FBXL13: variants seen among roughly 807,000 people sequenced by gnomAD.
The protein encoded by FBXL13 is F-box and leucine rich repeat protein 13.
In FBXL13, 67 loss-of-function variants were observed where a neutral mutation model predicts 83.6. The ratio of observed to expected loss-of-function variants is 0.80; its 90% confidence interval spans 0.66 to 0.98. The LOEUF (loss-of-function observed/expected upper bound fraction) is 0.98, where lower values mean the gene tolerates loss of function less well. FBXL13 is among the 50% of genes least tolerant of loss of function. The pLI is 0.00. For synonymous variants in FBXL13, 272 were observed against 299.5 expected (o/e 0.91, Z 0.95); for missense variants, 822 against 866.5 (o/e 0.95, Z 0.64).
intron 8 of FBXL13, chr7:102,933,815 G>C (rs1819688562): frequency 3.1e-6 from 4 of 1,303,862 alleles, no homozygotes; most frequent in South Asian, 1.5e-5. Flanking sequence ...CATTGTTCCA[G>C]AACTGCATTA....
intron 8 of FBXL13, among the ~76,000 whole-genome samples, chr7:102,950,658 G>A (rs1440354599): frequency 6.6e-6 from 1 of 152,000 alleles, no homozygotes; most frequent in Non-Finnish European, 1.5e-5. Context: ...TTCAGACAAT[G>A]GAATATTATT....
intron 17 of FBXL13, among the ~76,000 whole-genome samples, chr7:102,833,587 C>T (rs1442015489): frequency 3.3e-5 from 5 of 150,694 alleles, no homozygotes; most frequent in African/African-American, 7.3e-5. Flanking sequence ...CCACCACGCC[C>T]GGCTAATTCT....
chr7:103,060,351 G>A (rs891909867), intron 1 of FBXL13, among the ~76,000 whole-genome samples: 3 of 151,822 alleles, frequency 2.0e-5, no homozygotes, highest in African/African-American at 7.3e-5. Flanking sequence ...CACTGTGCCT[G>A]GTCCATCACT....
chr7:102,954,139 A>G (rs1314422548), intron 8 of FBXL13, among the ~76,000 whole-genome samples: 1 of 152,206 alleles, frequency 6.6e-6, no homozygotes, highest in Admixed American at 6.6e-5. Context: ...CGCCTCACCC[A>G]GGAAGCACAA....
At chr7:102,871,875 C>T (rs1157231156) in intron 16 of FBXL13, among the ~76,000 whole-genome samples, 1 of 152,112 alleles carries the variant, frequency 6.6e-6, no homozygotes, top group Non-Finnish European at 1.5e-5. Context: ...TTCAAGAACT[C>T]CTCATCTCTT....
At chr7:103,054,388 T>TG (rs764714937) in intron 2 of FBXL13, among the ~76,000 whole-genome samples, 3 of 129,112 alleles carry the variant, frequency 2.3e-5, no homozygotes, top group East Asian at 2.4e-4. Flanking sequence ...AGACTCCGTC[T>TG]GGAAAAAAAA....
intron 6 of FBXL13, among the ~76,000 whole-genome samples, chr7:103,020,570 A>G (rs1023000682): frequency 3.9e-5 from 6 of 152,234 alleles, no homozygotes; most frequent in East Asian, 3.8e-4. Context: ...ACATGATTGT[A>G]TATTTAGAAA....
rs147791775 is a variant in FBXL13 at position 102,934,464 on chromosome 7, G to A, written c.725-2531C>T. 1,467 of 1,614,138 alleles carry A rather than the reference G, an allele frequency of 9.1e-4. 11 individuals carry two copies. The African/African-American group carries it at 0.017, about 19-fold the overall frequency. ...TCAATGTTGCAGATTCCCAGGAACC[G>A]GAATTTGGGGAACTACGCCAAGTGT... On this transcript the variant is annotated intron_variant, in intron 8 of 19. Transcript: ENST00000313221.
At chr7:103,037,570 T>C (rs966447023) in intron 2 of FBXL13, among the ~76,000 whole-genome samples, 1 of 152,034 alleles carries the variant, frequency 6.6e-6, no homozygotes, top group Non-Finnish European at 1.5e-5. Context: ...TTTGGGAGGC[T>C]GAGGTAGGAA....
chr7:103,064,623 A>G (rs946721698), intron 1 of FBXL13, among the ~76,000 whole-genome samples: 3 of 152,140 alleles, frequency 2.0e-5, no homozygotes, highest in Non-Finnish European at 4.4e-5. Flanking sequence ...TATTTTCCAC[A>G]ATGGCCATAA....
intron 1 of FBXL13, among the ~76,000 whole-genome samples, chr7:103,056,333 C>A (rs1044188612): frequency 1.3e-4 from 20 of 152,094 alleles, no homozygotes; most frequent in African/African-American, 3.9e-4. Flanking sequence ...GATGTGTGTG[C>A]AAGTATCTTT....
chr7:102,955,858 C>G (rs1824179660), intron 8 of FBXL13, among the ~76,000 whole-genome samples: 1 of 151,960 alleles, frequency 6.6e-6, no homozygotes, highest in Admixed American at 6.6e-5. Flanking sequence ...CTGAATAGAC[C>G]AATAACAGGA....
At chr7:103,040,262 C>G (rs1472558562) in intron 2 of FBXL13, among the ~76,000 whole-genome samples, 2 of 152,076 alleles carry the variant, frequency 1.3e-5, no homozygotes, top group African/African-American at 2.4e-5. Context: ...ATCAATTCAC[C>G]AAGAAGAGCT....
At chr7:102,852,319 C>G (rs1001859277) in intron 17 of FBXL13, among the ~76,000 whole-genome samples, 1 of 152,048 alleles carries the variant, frequency 6.6e-6, no homozygotes, top group Admixed American at 6.6e-5. Flanking sequence ...CTGTGACCCA[C>G]AAAATTTATT....
intron 6 of FBXL13, among the ~76,000 whole-genome samples, chr7:102,974,124 C>A (rs1827134191): frequency 1.3e-5 from 2 of 152,168 alleles, no homozygotes; most frequent in South Asian, 4.1e-4. Context: ...GGTGCGGTGG[C>A]TCATGCCTGT....
At chr7:102,817,062 T>C (rs576782509) in intron 19 of FBXL13, among the ~76,000 whole-genome samples, 1 of 152,348 alleles carries the variant, frequency 6.6e-6, no homozygotes, top group African/African-American at 2.4e-5. Flanking sequence ...GATGCTGCAA[T>C]AAACATACAA....
In FBXL13 at chr7:103,022,396, G is replaced by A. The variant is rs551108929; in HGVS notation, c.495+2667C>T. Among the ~76,000 whole-genome samples, 34 of 151,996 alleles carry A rather than the reference G, an allele frequency of 2.2e-4. 1 individual carries two copies. In the South Asian group the frequency reaches 3.5e-3, roughly 16 times the overall value. On this transcript the variant is annotated intron_variant, in intron 6 of 19. Transcript: ENST00000313221. ...CCTAATGTAAATGACGAGTTAATGC[G>A]TGCAGCACACCAACATGGCACATGT... is the stretch of plus-strand genomic sequence containing the variant.
chr7:103,045,297 AATCTTGTCT>A (rs1796160604), intron 2 of FBXL13, among the ~76,000 whole-genome samples: 1 of 152,190 alleles, frequency 6.6e-6, no homozygotes, highest in Non-Finnish European at 1.5e-5. Context: ...TTAGGTTTTC[AATCTTGTCT>A]ATCTATTAAG....
At chr7:102,842,799 G>C (rs1162162609) in intron 17 of FBXL13, among the ~76,000 whole-genome samples, 1 of 152,204 alleles carries the variant, frequency 6.6e-6, no homozygotes, top group Non-Finnish European at 1.5e-5. Flanking sequence ...CAGTTCCATA[G>C]CACAGATAGT....
Sources: allele counts gnomAD v4.1 joint callset (sites outside exome capture counted in the v4.1 genomes callset), GRCh38; gene constraint gnomAD v4.1.1; transcripts MANE v1.5; gene names NCBI Gene and HGNC (gene_info 2026-07-23, HGNC 2026-07-21).